The following SORL1 variants were observed in gnomAD, a reference collection of about 807,000 sequenced individuals.
SORL1 encodes the protein sortilin-related receptor.
Under a neutral mutation model 273.7 loss-of-function variants are expected in SORL1, and 127 were observed. That is an observed-to-expected ratio of 0.46 (90% CI 0.40 to 0.54). SORL1 has a LOEUF of 0.54. Among genes scored for constraint, SORL1 ranks in the 20% least tolerant of loss-of-function variants. The probability of loss-of-function intolerance (pLI) is 0.00; values close to 1 mark genes in which losing one functional copy is unlikely to be tolerated. For synonymous variants in SORL1, 1,031 were observed against 1,067.4 expected, an observed-to-expected ratio of 0.97 and a Z score of 0.66; for missense variants, 2,494 against 2,846.1, an observed-to-expected ratio of 0.88 and a Z score of 2.81.
At chr11:121,455,198 A>T (rs1026019549) in intron 1 of SORL1, among the ~76,000 whole-genome samples, 3 of 152,136 alleles carry the variant, frequency 2.0e-5, no homozygotes, top group Non-Finnish European at 2.9e-5. Flanking sequence ...ATGTCAATGT[A>T]CCAGGATGGG....
intron 25 of SORL1, among the ~76,000 whole-genome samples, chr11:121,578,623 A>G (rs953009468): frequency 1.3e-5 from 2 of 152,220 alleles, no homozygotes; most frequent in African/African-American, 4.8e-5. Flanking sequence ...GTATGTGCTC[A>G]GAGAACCTTT....
chr11:121,614,981 C>G lies in SORL1; in HGVS notation c.5530C>G (p.Pro1844Ala). Residue 1844 changes from proline to alanine, a missense_variant, in exon 41 of 48, where the codon CCT (proline) becomes GCT (alanine). By Grantham distance (27) the Pro-to-Ala change is conservative. Coordinates refer to ENST00000260197, the MANE Select transcript of SORL1 (RefSeq NM_003105.6). ...EHVMTRGVRPPAPSLKAKAIN... is the reference protein window; with the variant it reads ...EHVMTRGVRPAAPSLKAKAIN... ...TGTTATGACCAGAGGGGTTCGCCCA[C>G]CTGCACCTAGCCTCAAGGCCAAAGC... 3 of 1,613,780 alleles carry G rather than the reference C, an allele frequency of 1.9e-6. No homozygotes were observed. In the South Asian group the frequency reaches 3.3e-5, roughly 18 times the overall value.
chr11:121,590,788 T>C (rs1863199324), intron 30 of SORL1: 3 of 761,060 alleles, frequency 3.9e-6, no homozygotes, highest in Non-Finnish European at 7.2e-6. Context: ...GTAAGGGAAA[T>C]CTACTCCCCA....
At chr11:121,576,966 A>T in intron 24 of SORL1, 6 of 1,515,168 alleles carry the variant, frequency 4.0e-6, no homozygotes, top group Non-Finnish European at 5.3e-6. Context: ...CCTTCTTCCC[A>T]TCATAGCAAG....
At chr11:121,469,687 G>A (rs1304159586) in intron 1 of SORL1, among the ~76,000 whole-genome samples, 1 of 152,200 alleles carries the variant, frequency 6.6e-6, no homozygotes, top group Non-Finnish European at 1.5e-5. Flanking sequence ...GTCATACATA[G>A]AGTAAGGATC....
In SORL1 at chr11:121,481,290, G is replaced by A. The variant is rs111591139; in HGVS notation, c.528+3047G>A. Among the ~76,000 whole-genome samples the A allele has an allele frequency of 1.3e-4, 14 of 110,406 alleles. No individual in the cohort carries two copies. In the East Asian group the frequency reaches 1.3e-3, roughly 10 times the overall value. 72.4% of individuals were successfully genotyped at this position (110,406 alleles called of 152,430 possible). On this transcript the variant is annotated intron_variant, in intron 3 of 47. Transcript: ENST00000260197. ...CCTAGTGCACAGATACCTATAGGCAGGCTCCATCTCCTCCTCCCCAGCTCC... is the reference window on the plus strand; with the variant it reads ...CCTAGTGCACAGATACCTATAGGCAAGCTCCATCTCCTCCTCCCCAGCTCC...
intron 16 of SORL1, among the ~76,000 whole-genome samples, chr11:121,551,018 T>A (rs955253673): frequency 6.6e-6 from 1 of 152,160 alleles, no homozygotes; most frequent in Non-Finnish European, 1.5e-5. Context: ...TATAAAGAGG[T>A]GTGTGACTTC....
chr11:121,593,524 A>C (rs543275967), intron 31 of SORL1, among the ~76,000 whole-genome samples: 37 of 152,292 alleles, frequency 2.4e-4, no homozygotes, highest in African/African-American at 8.7e-4. Context: ...CCTGTTACCC[A>C]GGGACTTTCA....
intron 5 of SORL1, among the ~76,000 whole-genome samples, chr11:121,493,384 G>A (rs1861584538): frequency 6.6e-6 from 1 of 152,150 alleles, no homozygotes. Context: ...AGTCTCCCGA[G>A]AAGCTGGGAT....
At chr11:121,528,525 T>A (rs1241349169) in intron 11 of SORL1, among the ~76,000 whole-genome samples, 1 of 152,196 alleles carries the variant, frequency 6.6e-6, no homozygotes, top group Admixed American at 6.5e-5. Flanking sequence ...CATTTTAAAG[T>A]GTACAGTTCA....
intron 2 of SORL1, among the ~76,000 whole-genome samples, chr11:121,471,441 G>A (rs544922445): frequency 3.4e-4 from 52 of 152,320 alleles, no homozygotes; most frequent in African/African-American, 1.2e-3. Context: ...CCAGGTCTGC[G>A]GCCTGTGCTC....
At chr11:121,552,436 G>A (rs1028917571) in intron 16 of SORL1, among the ~76,000 whole-genome samples, 2 of 152,154 alleles carry the variant, frequency 1.3e-5, no homozygotes, top group African/African-American at 4.8e-5. Flanking sequence ...CTACTTTATG[G>A]GTATTAGTTT....
intron 6 of SORL1, among the ~76,000 whole-genome samples, chr11:121,500,783 C>T (rs1281374052): frequency 4.6e-5 from 7 of 152,194 alleles, no homozygotes; most frequent in Non-Finnish European, 8.8e-5. Context: ...TTGTTATGCC[C>T]TGTTAATGAC....
chr11:121,527,197 ATT>A (rs34984204), intron 11 of SORL1, among the ~76,000 whole-genome samples: 1 of 148,472 alleles, frequency 6.7e-6, no homozygotes, highest in African/African-American at 2.4e-5. Flanking sequence ...GTTGTTGAGT[ATT>A]TTTTTTTTTA....
At chr11:121,598,963 A>C (rs1417896128) in intron 32 of SORL1, among the ~76,000 whole-genome samples, 1 of 152,138 alleles carries the variant, frequency 6.6e-6, no homozygotes, top group Non-Finnish European at 1.5e-5. Flanking sequence ...CTTTTTTTCA[A>C]GAAACACCCT....
chr11:121,574,402 G>A (rs1386427655), intron 24 of SORL1, 39 bp downstream of exon 24: 27 of 1,602,234 alleles, frequency 1.7e-5, no homozygotes, highest in Middle Eastern at 1.7e-4. Flanking sequence ...GCTCTGGAGA[G>A]GGGGGTCATT....
chr11:121,527,346 T>G lies in SORL1; in HGVS notation c.1596+4357T>G, dbSNP rs371587942. Among the ~76,000 whole-genome samples the G allele has an allele frequency of 3.3e-5, 5 of 152,270 alleles. No homozygotes were observed. The East Asian group carries it at 9.6e-4, about 29-fold the overall frequency. On this transcript the variant is annotated intron_variant, in intron 11 of 47. Transcript: ENST00000260197. ...ACAACCTGGAATTACTAGGACAAAC[T>G]CTACTTGGTCATAATGCATTATTCT...
At chr11:121,487,622 A>G (rs1322831155) in intron 3 of SORL1, among the ~76,000 whole-genome samples, 4 of 152,196 alleles carry the variant, frequency 2.6e-5, no homozygotes, top group African/African-American at 7.2e-5. Context: ...CAACCATCCC[A>G]TCTGTGTTAG....
chr11:121,472,501 G>T (rs1336677147), intron 2 of SORL1, among the ~76,000 whole-genome samples: 1 of 152,228 alleles, frequency 6.6e-6, no homozygotes, highest in Admixed American at 6.5e-5. Flanking sequence ...GTGCGAAGAT[G>T]TGGTATTAGG....
Sources: allele counts gnomAD v4.1 joint callset (sites outside exome capture counted in the v4.1 genomes callset), GRCh38; gene constraint gnomAD v4.1.1; transcripts MANE v1.5; gene names NCBI Gene and HGNC (gene_info 2026-07-23, HGNC 2026-07-21).